The following DLG5 variants were observed in gnomAD, a reference collection of about 807,000 sequenced individuals.
DLG5 encodes the protein disks large homolog 5.
Under a neutral mutation model 189.8 loss-of-function variants are expected in DLG5, and 48 were observed. The observed-to-expected ratio is 0.25, with a 90% CI of 0.20 to 0.32. DLG5 has a LOEUF of 0.32. Among genes scored for constraint, DLG5 ranks in the 10% least tolerant of loss-of-function variants. DLG5 has a pLI of 1.00. For missense variants in DLG5, 2,160 were observed against 2,544.7 expected (o/e 0.85, Z 3.25); for synonymous variants, 1,016 against 1,054.1 (o/e 0.96, Z 0.70).
At chr10:77,931,807 G>T in the DLG5 span, among the ~76,000 whole-genome samples, 1 of 152,152 alleles carries the variant, frequency 6.6e-6, no homozygotes, top group Non-Finnish European at 1.5e-5. Context: ...TCAGTGCCCA[G>T]CTCTGACACT....
At chr10:77,907,789 C>G (rs1217753663) in intron 1 of DLG5, among the ~76,000 whole-genome samples, 5 of 152,178 alleles carry the variant, frequency 3.3e-5, no homozygotes, top group Non-Finnish European at 7.3e-5. Flanking sequence ...AACCCAGTAT[C>G]TTGGCTCAGG....
upstream of DLG5, chr10:77,928,402 C>A (rs1370708190): frequency 6.6e-6 from 1 of 152,198 alleles, no homozygotes; most frequent in Non-Finnish European, 1.5e-5. Flanking sequence ...TTTAAAGATA[C>A]CTGCCTGCTC....
At position 77,910,871 on chromosome 10, in the gene DLG5, C is replaced by T. The variant is rs547768557; in HGVS notation, c.304+15346G>A. ...CCTGTAATCCCAGCTACTGGGGAGG[C>T]TGAGACACAAGAATCTCTTGAACCT... On this transcript the variant is annotated intron_variant, in intron 1 of 31. Transcript: ENST00000372391. Among the ~76,000 whole-genome samples the T allele has an allele frequency of 9.2e-5, 14 of 151,498 alleles. No individual in the cohort carries two copies. In the Admixed American group the frequency reaches 9.3e-4, roughly 10 times the overall value.
rs771310333 is a variant in DLG5, at chr10:77,816,697, T to C, written c.3879A>G (p.Ser1293=). ...GAGTGCTGCATTCAGAATGTGACAC[T>C]GAACCTGCAGAGAGGAGCGGGTAAT... ...PRSVVGSERG[S]VSHSECSTPP... The change falls in exon 20 of 32, where the codon TCA becomes TCG. Residue 1293 remains serine (S), a synonymous_variant. Transcript: ENST00000372391. 77 of 1,606,888 alleles carry C rather than the reference T, an allele frequency of 4.8e-5. No homozygotes were observed. Among genetic ancestry groups the C allele is most frequent in the Non-Finnish European group, 6.5e-5 (76 of 1,176,384 alleles).
intron 1 of DLG5, among the ~76,000 whole-genome samples, chr10:77,873,947 G>A (rs998075478): frequency 6.6e-6 from 1 of 152,226 alleles, no homozygotes; most frequent in African/African-American, 2.4e-5. Flanking sequence ...CAGGAGGACA[G>A]TCACTTTCAG....
the DLG5 span, among the ~76,000 whole-genome samples, chr10:77,933,378 C>T: frequency 6.6e-6 from 1 of 151,976 alleles, no homozygotes; most frequent in African/African-American, 2.4e-5. Flanking sequence ...CCTCCGCCTC[C>T]TGGGTTCAAG....
At position 77,828,940 on chromosome 10, in the gene DLG5, A is replaced by T. The variant is rs774937929; in HGVS notation, c.2231T>A (p.Leu744Gln). The change falls in exon 13 of 32, where the codon CTG becomes CAG. Residue 744 changes from leucine (L) to glutamine (Q), a missense_variant. By Grantham distance (113) the Leu-to-Gln change is moderately radical. This residue lies in a region of DLG5 where 107 missense variants were observed against 214.5 expected (regional missense o/e 0.50). Transcript: ENST00000372391. ...TTCTTTAGCGGCAGGGCTTCCAGGCAGCACAGCGGCAGCATACACTCCATT... is the reference window on the plus strand; with the variant it reads ...TTCTTTAGCGGCAGGGCTTCCAGGCTGCACAGCGGCAGCATACACTCCATT... ...LENGVYAAAV[L>Q]PGSPAAKEGS... is the part of the protein sequence containing the mutation. 6.2e-7 allele frequency: 1 copy of T among 1,614,152 alleles called. No individual in the cohort carries two copies. The highest frequency in any genetic ancestry group is 8.5e-7 in the Non-Finnish European group (1 of 1,180,026).
intron 1 of DLG5, among the ~76,000 whole-genome samples, chr10:77,897,337 CAGAG>C (rs1000352659): frequency 9.9e-5 from 15 of 151,960 alleles, no homozygotes; most frequent in Non-Finnish European, 1.8e-4. Context: ...GCCTGGGCAA[CAGAG>C]AGAGACTCCA....
intron 27 of DLG5, 37 bp downstream of exon 27, chr10:77,805,628 C>A (rs1169448803): frequency 1.3e-6 from 2 of 1,577,840 alleles, no homozygotes; most frequent in African/African-American, 2.7e-5. Context: ...CAAGCCCCAT[C>A]TGGAGAGCCC....
chr10:77,838,841 G>A (rs1226903405), intron 7 of DLG5, among the ~76,000 whole-genome samples: 2 of 152,226 alleles, frequency 1.3e-5, no homozygotes, highest in African/African-American at 4.8e-5. Flanking sequence ...TCTTGCCGGT[G>A]GAGAGTGCTC....
intron 18 of DLG5, among the ~76,000 whole-genome samples, chr10:77,817,576 C>T (rs183585610): frequency 1.3e-4 from 20 of 152,348 alleles, no homozygotes; most frequent in Admixed American, 1.0e-3. Flanking sequence ...AAGCGGAAGG[C>T]GAAAGCAATG....
intron 2 of DLG5, 110 bp downstream of exon 2, chr10:77,869,019 G>A (rs1182625892): frequency 7.1e-6 from 6 of 844,054 alleles, no homozygotes; most frequent in Non-Finnish European, 1.2e-5. Flanking sequence ...ATGATCCTGT[G>A]AGTAATCTGA....
intron 2 of DLG5, 168 bp downstream of exon 2, chr10:77,868,961 A>G (rs1844794935): frequency 3.1e-6 from 2 of 635,400 alleles, no homozygotes; most frequent in South Asian, 1.9e-5. Flanking sequence ...TAACATCAGA[A>G]CTGGGTTTCT....
rs1210436163 is a variant in DLG5 at position 77,817,781 on chromosome 10, G to A, written c.3780C>T (p.Arg1260=). The part of the protein sequence containing the change: ...HGSNSLPSSA[R]LGSSSNLQFK... ...AAGTCCAAGTGGTGCAGTTACCCAG[G>A]CGGGCGCTGGAGGGCAGTGAGTTGG... Residue 1260 remains arginine (R), a synonymous_variant, in exon 18 of 32, where the codon CGC becomes CGT. Coordinates refer to ENST00000372391, the MANE Select transcript of DLG5 (RefSeq NM_004747.4). The A allele has an allele frequency of 6.4e-7, 1 of 1,553,236 alleles. No individual in the cohort carries two copies. Among genetic ancestry groups the A allele is most frequent in the African/African-American group, 1.4e-5 (1 of 73,298 alleles).
rs1174200796 is a variant in DLG5, at chr10:77,790,950, T to TA, written c.*1489dup. The stretch of plus-strand genomic sequence containing the variant: ...TGCCTGTAACTTAGAAAACAGCCCC[T>TA]ACCCCCAGAGGGTCTGCGAGTTAAT... On this transcript the variant is annotated 3_prime_UTR_variant, in exon 32 of 32. Coordinates refer to ENST00000372391, the MANE Select transcript of DLG5 (RefSeq NM_004747.4). 1 of 152,248 alleles carries TA rather than the reference T, an allele frequency of 6.6e-6. No homozygotes were observed. Among genetic ancestry groups the TA allele is most frequent in the Non-Finnish European group, 1.5e-5 (1 of 68,030 alleles). The allele number at this position is 152,248 out of a possible 1,614,324, so 9.4% of individuals were successfully genotyped here.
rs376775111 is a variant in DLG5, at chr10:77,897,098, A to G, written c.305-27901T>C. ...AAGCCAGGCATGGTGGCTCACACCTATAATCCCAACACTTTGGGAGGCTGA... is the reference window on the plus strand; with the variant it reads ...AAGCCAGGCATGGTGGCTCACACCTGTAATCCCAACACTTTGGGAGGCTGA... On this transcript the variant is annotated intron_variant, in intron 1 of 31. Transcript: ENST00000372391. 3.2e-4 allele frequency among the ~76,000 whole-genome samples: 49 copies of G among 152,198 alleles called. 2 individuals are homozygous for G. The East Asian group carries it at 7.8e-3, about 24-fold the overall frequency.
At chr10:77,849,448 G>C (rs1387838281) in intron 5 of DLG5, among the ~76,000 whole-genome samples, 1 of 152,238 alleles carries the variant, frequency 6.6e-6, no homozygotes, top group African/African-American at 2.4e-5. Context: ...TGAAGGCAAG[G>C]GGGCCCAGGA....
At chr10:77,833,544 CG>C (rs1842976129) in intron 9 of DLG5, among the ~76,000 whole-genome samples, 5 of 150,790 alleles carry the variant, frequency 3.3e-5, no homozygotes, top group African/African-American at 4.9e-5. Flanking sequence ...AAAATCTCTG[CG>C]AGTGAGTGAG....
rs1841433009 is a variant in DLG5, at chr10:77,805,700, T to C, written c.5129A>G (p.Asp1710Gly). The change falls in exon 27 of 32, where the codon GAT becomes GGT. Residue 1710 changes from aspartate to glycine, a missense_variant. Asp to Gly is a moderately conservative substitution (Grantham distance 94). Transcript: ENST00000372391. ...SKDGKDLLALDAFSSDSIPLF... is the reference protein window; with the variant it reads ...SKDGKDLLALGAFSSDSIPLF... ...TGGAATGGAGTCACTGGAAAAGGCATCCAAGGCGAGCAGGTCTTTCCCGTC... is the reference window on the plus strand; with the variant it reads ...TGGAATGGAGTCACTGGAAAAGGCACCCAAGGCGAGCAGGTCTTTCCCGTC... 6.2e-7 allele frequency: 1 copy of C among 1,613,566 alleles called. No individual in the cohort carries two copies. Among genetic ancestry groups the C allele is most frequent in the African/African-American group, 1.3e-5 (1 of 74,932 alleles).
Sources: gnomAD v4.1 joint callset for allele counts (sites outside exome capture counted in the v4.1 genomes callset) on GRCh38, gnomAD v4.1.1 for gene constraint, gnomAD v4.1.1 regional missense constraint, MANE v1.5 for transcripts, NCBI Gene and HGNC (gene_info 2026-07-23, HGNC 2026-07-21) for gene names.